SENP7: variants seen among roughly 807,000 people sequenced by gnomAD.
SENP7 encodes the protein sentrin-specific protease 7.
SENP7 carries 64 observed loss-of-function variants against 141.2 expected under a neutral mutation model. That is an observed-to-expected ratio of 0.45 (90% CI 0.37 to 0.56). SENP7 has a LOEUF of 0.56. Among genes scored for constraint, SENP7 ranks in the 20% least tolerant of loss-of-function variants. The pLI, the probability that SENP7 is intolerant of heterozygous loss-of-function variation, is 0.00. For synonymous variants in SENP7, 382 were observed against 426.4 expected (o/e 0.90, Z 1.28); for missense variants, 1,025 against 1,212.2 (o/e 0.85, Z 2.29).
At chr3:101,329,802 A>G (rs2059000535) in intron 20 of SENP7, among the ~76,000 whole-genome samples, 1 of 150,932 alleles carries the variant, frequency 6.6e-6, no homozygotes, top group Non-Finnish European at 1.5e-5. Flanking sequence ...AAAAAATACA[A>G]AAATTAGCCA....
intron 3 of SENP7, among the ~76,000 whole-genome samples, chr3:101,476,028 A>G (rs949015433): frequency 3.9e-5 from 6 of 152,282 alleles, no homozygotes; most frequent in African/African-American, 1.2e-4. Flanking sequence ...TCCACCAGCT[A>G]CAGATTACAC....
chr3:101,367,393 T>G (rs1559726510), intron 8 of SENP7, among the ~76,000 whole-genome samples: 1 of 151,998 alleles, frequency 6.6e-6, no homozygotes, highest in African/African-American at 2.4e-5. Flanking sequence ...TAGAATAAAT[T>G]CCCTAAACTC....
At chr3:101,366,861 A>G in intron 8 of SENP7, 92 bp from the exon 9 acceptor site, 2 of 728,028 alleles carry the variant, frequency 2.7e-6, no homozygotes, top group Non-Finnish European at 4.4e-6. Context: ...AAAATATTAT[A>G]TCACTTCTAT....
chr3:101,472,422 G>A (rs2064037620), intron 3 of SENP7, among the ~76,000 whole-genome samples: 4 of 151,624 alleles, frequency 2.6e-5, no homozygotes, highest in Non-Finnish European at 5.9e-5. Flanking sequence ...AACACCGCAT[G>A]TTCTCACTCG....
chr3:101,363,809 G>C (rs1464595289), intron 10 of SENP7, among the ~76,000 whole-genome samples: 1 of 152,176 alleles, frequency 6.6e-6, no homozygotes, highest in African/African-American at 2.4e-5. Context: ...ACCATACTCT[G>C]CAAAATAACA....
At chr3:101,494,798 G>A (rs778288368) in intron 2 of SENP7, among the ~76,000 whole-genome samples, 26 of 152,176 alleles carry the variant, frequency 1.7e-4, no homozygotes, top group Non-Finnish European at 2.9e-4. Flanking sequence ...ATTAATTCAA[G>A]ATGGATTAAA....
rs760486000 is a variant in SENP7, at chr3:101,459,139, T to A, written c.187-87A>T. ...CTGTTCTTTTTTATTTGGAAATTTG[T>A]TATAAACGATCAAATACATAGTTCA... On this transcript the variant is annotated intron_variant, in intron 3 of 23. Transcript: ENST00000394095. 71 of 693,826 alleles carry A rather than the reference T, an allele frequency of 1.0e-4. 1 individual carries two copies. The highest frequency in any genetic ancestry group is 1.4e-4 in the Non-Finnish European group (61 of 425,634). The allele number at this position is 693,826 out of a possible 1,614,324, so 43.0% of individuals were successfully genotyped here. A position where few individuals can be genotyped will look rare whatever the true frequency, so the allele number is the denominator to read the frequency against.
chr3:101,426,206 C>G (rs570288335), intron 4 of SENP7, among the ~76,000 whole-genome samples: 3 of 152,148 alleles, frequency 2.0e-5, no homozygotes, highest in Non-Finnish European at 4.4e-5. Flanking sequence ...AGAGGCCTAG[C>G]AGAGAACCCG....
intron 4 of SENP7, among the ~76,000 whole-genome samples, chr3:101,448,632 G>C (rs767708807): frequency 3.8e-4 from 58 of 152,144 alleles, no homozygotes; most frequent in Non-Finnish European, 7.5e-4. Flanking sequence ...GTGCCTCCCA[G>C]TTAGGCTACT....
At chr3:101,405,520 G>C (rs1284663067) in intron 5 of SENP7, among the ~76,000 whole-genome samples, 1 of 152,056 alleles carries the variant, frequency 6.6e-6, no homozygotes. Flanking sequence ...GACAAAATAA[G>C]GTTAACACCT....
chr3:101,441,055 C>A (rs2062650681), intron 4 of SENP7, among the ~76,000 whole-genome samples: 1 of 152,166 alleles, frequency 6.6e-6, no homozygotes, highest in Non-Finnish European at 1.5e-5. Context: ...CCACACCCGC[C>A]ATCCAGGTGC....
In SENP7 at chr3:101,510,709, C is replaced by G. The variant is rs557632941; in HGVS notation, c.40+2382G>C. Among the ~76,000 whole-genome samples the G allele has an allele frequency of 2.6e-5, 4 of 151,914 alleles. No homozygotes were observed. In the East Asian group the frequency reaches 5.8e-4, roughly 22 times the overall value. On this transcript the variant is annotated intron_variant, in intron 1 of 23. Coordinates refer to ENST00000394095, the MANE Select transcript of SENP7 (RefSeq NM_020654.5). ...CTTTACTAAAAGTACAAAAATTAAC[C>G]GGGCATGGTGACAGGCACCTGTAAT... is the stretch of plus-strand genomic sequence containing the variant.
chr3:101,429,594 G>A (rs2062085758), intron 4 of SENP7, among the ~76,000 whole-genome samples: 1 of 152,218 alleles, frequency 6.6e-6, no homozygotes, highest in Admixed American at 6.5e-5. Context: ...TTTGGGCTGA[G>A]ACGATGGGGT....
At chr3:101,380,831 G>A (rs762915683) in intron 6 of SENP7, among the ~76,000 whole-genome samples, 12 of 152,004 alleles carry the variant, frequency 7.9e-5, no homozygotes, top group South Asian at 2.1e-4. Flanking sequence ...ATGTCCAAAG[G>A]AGCATTGTTT....
Position 101,448,350 on chromosome 3 carries a change from T to G in SENP7, c.284+10605A>C, listed in dbSNP as rs1414497967. Among the ~76,000 whole-genome samples the G allele has an allele frequency of 4.6e-5, 7 of 152,200 alleles. No individual in the cohort carries two copies. In the East Asian group the frequency reaches 9.6e-4, roughly 21 times the overall value. On this transcript the variant is annotated intron_variant, in intron 4 of 23. Coordinates refer to ENST00000394095, the MANE Select transcript of SENP7 (RefSeq NM_020654.5). The stretch of plus-strand genomic sequence containing the variant: ...AAATATATGAAAATCATATACCTGA[T>G]AAGGGACTTGTACCAAGAAAATATT...
At chr3:101,378,130 T>C (rs1375561103) in intron 6 of SENP7, among the ~76,000 whole-genome samples, 1 of 151,300 alleles carries the variant, frequency 6.6e-6, no homozygotes, top group East Asian at 1.9e-4. Context: ...TAGTTGCTTT[T>C]ATCTAGTACG....
intron 4 of SENP7, among the ~76,000 whole-genome samples, chr3:101,450,669 G>T (rs1052223589): frequency 7.9e-5 from 12 of 152,030 alleles, no homozygotes; most frequent in African/African-American, 2.7e-4. Context: ...AACCAACGAG[G>T]ACAAAGACAC....
At chr3:101,484,699 G>C (rs981691115) in intron 3 of SENP7, among the ~76,000 whole-genome samples, 1 of 152,158 alleles carries the variant, frequency 6.6e-6, no homozygotes, top group Non-Finnish European at 1.5e-5. Context: ...GAAATACAGG[G>C]GTAGAGGAAG....
At chr3:101,434,772 T>G (rs1440387265) in intron 4 of SENP7, among the ~76,000 whole-genome samples, 1 of 152,074 alleles carries the variant, frequency 6.6e-6, no homozygotes, top group Non-Finnish European at 1.5e-5. Context: ...ATCAAAGCTG[T>G]AATTAAAAGT....
Sources: gnomAD v4.1 joint callset for allele counts (sites outside exome capture counted in the v4.1 genomes callset) on GRCh38, gnomAD v4.1.1 for gene constraint, MANE v1.5 for transcripts, NCBI Gene and HGNC (gene_info 2026-07-23, HGNC 2026-07-21) for gene names.